SLC25A48: variants seen among roughly 807,000 people sequenced by gnomAD.
SLC25A48 encodes the protein CTC-321K16.1.
In SLC25A48, 29 loss-of-function variants were observed where a neutral mutation model predicts 32.2. The ratio of observed to expected loss-of-function variants is 0.90; its 90% CI spans 0.67 to 1.23. The LOEUF (loss-of-function observed/expected upper bound fraction) is 1.23, where lower values mean the gene tolerates loss of function less well. Among genes scored for constraint, SLC25A48 ranks in the 50% most tolerant of loss-of-function variants. The pLI is 0.00. For synonymous variants in SLC25A48, 164 were observed against 172.3 expected (o/e 0.95, Z 0.38); for missense variants, 399 against 422.7 (o/e 0.94, Z 0.49).
intron 3 of SLC25A48, among the ~76,000 whole-genome samples, chr5:135,802,523 A>G (rs775419595): frequency 6.6e-6 from 1 of 151,446 alleles, no homozygotes; most frequent in Non-Finnish European, 1.5e-5. Flanking sequence ...CTTGGAAGAT[A>G]TCACTCTTAG....
At chr5:135,878,269 C>T (rs1358942265) in intron 6 of SLC25A48, among the ~76,000 whole-genome samples, 1 of 152,206 alleles carries the variant, frequency 6.6e-6, no homozygotes, top group Non-Finnish European at 1.5e-5. Flanking sequence ...ACACTCCAAG[C>T]TGGGCCCTGG....
intron 3 of SLC25A48, among the ~76,000 whole-genome samples, chr5:135,756,181 CTAGA>C (rs1341963331): frequency 5.3e-5 from 8 of 151,394 alleles, no homozygotes; most frequent in Non-Finnish European, 8.8e-5. Flanking sequence ...AAAATATCAT[CTAGA>C]TATTTATAAT....
chr5:135,811,464 G>T (rs1210906272), intron 3 of SLC25A48, among the ~76,000 whole-genome samples: 1 of 152,138 alleles, frequency 6.6e-6, no homozygotes, highest in Non-Finnish European at 1.5e-5. Flanking sequence ...ATTTCAGTTC[G>T]TCAGGAGGAA....
chr5:135,723,542 T>TA (rs368363297), intron 3 of SLC25A48, among the ~76,000 whole-genome samples: 76,438 of 134,308 alleles, frequency 0.57, 21,526 homozygotes, highest in Middle Eastern at 0.73. Flanking sequence ...TTTTTTTCAC[T>TA]AAAAAAAAAA....
At chr5:135,745,220 A>G (rs1755612561) in intron 3 of SLC25A48, among the ~76,000 whole-genome samples, 1 of 152,250 alleles carries the variant, frequency 6.6e-6, no homozygotes, top group Non-Finnish European at 1.5e-5. Context: ...TAGATCATAG[A>G]TTAGCTGAAA....
In SLC25A48 at chr5:135,691,199, G is replaced by A. The variant is rs150238272; in HGVS notation, c.-521+56243G>A. The stretch of plus-strand genomic sequence containing the variant: ...AGCAAAACCTGGAAAAGGCAATTAA[G>A]CACTCCCAGGGTTAAAAGGTTGGAT... On this transcript the variant is annotated intron_variant, in intron 3 of 10. Transcript: ENST00000646290. Among the ~76,000 whole-genome samples the A allele has an allele frequency of 2.6e-5, 4 of 152,282 alleles. No homozygotes were observed. The East Asian group carries it at 7.7e-4, about 29-fold the overall frequency.
At chr5:135,659,984 C>A (rs1753354753) in intron 3 of SLC25A48, among the ~76,000 whole-genome samples, 1 of 152,304 alleles carries the variant, frequency 6.6e-6, no homozygotes, top group Admixed American at 6.5e-5. Context: ...GACACAGAGG[C>A]AAACCATAAC....
chr5:135,792,611 GT>G (rs1757060935), intron 3 of SLC25A48, among the ~76,000 whole-genome samples: 1 of 151,640 alleles, frequency 6.6e-6, no homozygotes. Context: ...TTTACACCTT[GT>G]TTGTACGTCT....
intron 2 of SLC25A48, among the ~76,000 whole-genome samples, chr5:135,848,969 A>G (rs973269474): frequency 1.1e-4 from 16 of 152,242 alleles, no homozygotes; most frequent in African/African-American, 3.4e-4. Flanking sequence ...TTAGCCTTAC[A>G]TGTGACATTA....
intron 3 of SLC25A48, among the ~76,000 whole-genome samples, chr5:135,679,725 G>C (rs549921336): frequency 2.0e-5 from 3 of 152,152 alleles, no homozygotes; most frequent in Non-Finnish European, 4.4e-5. Flanking sequence ...CTGTGGGCTC[G>C]GAAGGTCAAT....
intron 3 of SLC25A48, among the ~76,000 whole-genome samples, chr5:135,716,574 C>A (rs920438082): frequency 1.3e-5 from 2 of 152,180 alleles, no homozygotes; most frequent in Non-Finnish European, 2.9e-5. Flanking sequence ...CTCCACCTCC[C>A]TTAGTAGATG....
At chr5:135,689,255 T>C (rs1293321628) in intron 3 of SLC25A48, among the ~76,000 whole-genome samples, 1 of 152,126 alleles carries the variant, frequency 6.6e-6, no homozygotes, top group African/African-American at 2.4e-5. Context: ...CTCATCCAAG[T>C]CTTAAGAGGG....
chr5:135,670,206 T>C (rs1753622413), intron 3 of SLC25A48, among the ~76,000 whole-genome samples: 1 of 152,170 alleles, frequency 6.6e-6, no homozygotes, highest in Admixed American at 6.5e-5. Context: ...CCTTAACTTT[T>C]CTGAGTCTCA....
intron 1 of SLC25A48, among the ~76,000 whole-genome samples, chr5:135,583,351 C>T (rs1346170976): frequency 6.6e-6 from 1 of 152,030 alleles, no homozygotes. Flanking sequence ...GGTGTCTGGG[C>T]ACTACCTCCT....
intron 3 of SLC25A48, among the ~76,000 whole-genome samples, chr5:135,739,065 C>T (rs1186279071): frequency 1.3e-5 from 2 of 152,066 alleles, no homozygotes; most frequent in African/African-American, 2.4e-5. Flanking sequence ...CTGGGCAACA[C>T]AGCGATACTC....
At chr5:135,652,162 A>G (rs959077339) in intron 3 of SLC25A48, among the ~76,000 whole-genome samples, 1 of 152,218 alleles carries the variant, frequency 6.6e-6, no homozygotes, top group African/African-American at 2.4e-5. Context: ...TAAAGGCTGT[A>G]CTAATACTAT....
intron 3 of SLC25A48, among the ~76,000 whole-genome samples, chr5:135,723,414 A>ACACAC (rs70976577): frequency 6.9e-6 from 1 of 145,704 alleles, no homozygotes; most frequent in Non-Finnish European, 1.5e-5. Flanking sequence ...ACACACACAC[A>ACACAC]ATGGGGAGGG....
At chr5:135,579,178 G>A (rs1751174973), upstream of SLC25A48, 2 of 312,464 alleles carry the variant, frequency 6.4e-6, no homozygotes, top group Admixed American at 5.5e-5. Context: ...GCGCACACCC[G>A]GAGCCACGCG....
At chr5:135,621,049 T>C (rs996516348) in intron 1 of SLC25A48, among the ~76,000 whole-genome samples, 4 of 152,264 alleles carry the variant, frequency 2.6e-5, no homozygotes, top group African/African-American at 9.6e-5. Context: ...TTGTGTAAGA[T>C]GCATCTAGTC....
Sources: gnomAD v4.1 joint callset for allele counts (sites outside exome capture counted in the v4.1 genomes callset) on GRCh38, gnomAD v4.1.1 for gene constraint, MANE v1.5 for transcripts, NCBI Gene and HGNC (gene_info 2026-07-23, HGNC 2026-07-21) for gene names.